The following GSE1 variants were observed in gnomAD, a reference collection of about 807,000 sequenced individuals.
GSE1 encodes genetic suppressor element 1.
In GSE1, 32 loss-of-function variants were observed where a neutral mutation model predicts 112.6. That is an observed-to-expected ratio of 0.28 (90% confidence interval 0.21 to 0.38). The LOEUF (loss-of-function observed/expected upper bound fraction) is 0.38, where lower values mean the gene tolerates loss of function less well. Among genes scored for constraint, GSE1 ranks in the 10% least tolerant of loss-of-function variants. The pLI, the probability that GSE1 is intolerant of heterozygous loss-of-function variation, is 1.00. For synonymous variants in GSE1, 1,115 were observed against 735.6 expected (o/e 1.52, Z -8.35); for missense variants, 2,348 against 1,699.2 (o/e 1.38, Z -6.71).
intron 2 of GSE1, among the ~76,000 whole-genome samples, chr16:85,408,548 AG>A (rs528797085): frequency 9.8e-5 from 3 of 30,760 alleles, no homozygotes; most frequent in Admixed American, 5.5e-4. Context: ...TGTTACACTC[AG>A]GGCCCCCCGG....
chr16:85,291,914 C>T (rs749064731), intron 1 of GSE1, among the ~76,000 whole-genome samples: 7 of 152,182 alleles, frequency 4.6e-5, no homozygotes, highest in Non-Finnish European at 1.0e-4. Context: ...TTGGGTTGAC[C>T]GGGTCAGGCT....
chr16:85,447,276 C>G (rs900766), intron 2 of GSE1, among the ~76,000 whole-genome samples: 68,571 of 152,032 alleles, frequency 0.45, 15,550 homozygotes, highest in South Asian at 0.55. Context: ...TTGGACCACT[C>G]TTTTGGCTAC....
intron 1 of GSE1, among the ~76,000 whole-genome samples, chr16:85,207,201 C>G (rs2143616601): frequency 1.3e-5 from 2 of 152,302 alleles, no homozygotes; most frequent in East Asian, 3.9e-4. Flanking sequence ...CCCCGTCCTC[C>G]CAAGGGCACT....
intron 1 of GSE1, among the ~76,000 whole-genome samples, chr16:85,322,891 C>CA (rs2046141883): frequency 1.3e-5 from 2 of 152,294 alleles, no homozygotes; most frequent in Middle Eastern, 3.4e-3. Context: ...GCTGGGATTA[C>CA]AGGCATGAGC....
intron 2 of GSE1, among the ~76,000 whole-genome samples, chr16:85,642,750 C>T (rs1293210925): frequency 6.6e-6 from 1 of 152,208 alleles, no homozygotes; most frequent in Admixed American, 6.5e-5. Context: ...GGGCCGGGCC[C>T]TGGGGTGGGT....
In GSE1 at chr16:85,192,947, C is replaced by T. The variant is rs192079777; in HGVS notation, c.2283+21140C>T. The stretch of plus-strand genomic sequence containing the variant: ...CTTGGTTCTGCTGGCTGTGTGCCTG[C>T]GCCCAACCTGGCGTCTGGCCGACTA... On this transcript the variant is annotated intron_variant, in intron 1 of 2. Transcript: ENST00000637419. 4.9e-3 allele frequency among the ~76,000 whole-genome samples: 753 copies of T among 152,280 alleles called. 5 individuals carry two copies. Among genetic ancestry groups the T allele is most frequent in the Non-Finnish European group, 5.3e-3 (360 of 68,022 alleles).
chr16:85,411,606 GGC>G (rs1487865112), intron 2 of GSE1, among the ~76,000 whole-genome samples: 1 of 19,134 alleles, frequency 5.2e-5, no homozygotes, highest in Non-Finnish European at 1.3e-4. Flanking sequence ...TTACACTCAG[GGC>G]CCCCCCGGAT....
intron 1 of GSE1, among the ~76,000 whole-genome samples, chr16:85,569,620 T>C (rs1327752067): frequency 6.6e-6 from 1 of 152,232 alleles, no homozygotes; most frequent in African/African-American, 2.4e-5. Context: ...CTGGATTTCC[T>C]GCTGGGAGAG....
chr16:85,331,708 T>TA (rs1491521509), intron 1 of GSE1, among the ~76,000 whole-genome samples: 291 of 13,034 alleles, frequency 0.022, 14 homozygotes, highest in African/African-American at 0.045. Context: ...TATATATATA[T>TA]TTTTTTTTTT....
intron 1 of GSE1, among the ~76,000 whole-genome samples, chr16:85,267,452 C>T (rs1016662897): frequency 1.3e-5 from 2 of 152,082 alleles, no homozygotes; most frequent in Admixed American, 6.5e-5. Flanking sequence ...GAAAGGAGGG[C>T]AGTGACCGTG....
chr16:85,589,773 G>A (rs2046894585), intron 1 of GSE1, among the ~76,000 whole-genome samples: 1 of 152,132 alleles, frequency 6.6e-6, no homozygotes, highest in African/African-American at 2.4e-5. Context: ...GTGTGACATT[G>A]TGAATGTATG....
In GSE1 at chr16:85,663,072, C is replaced by G. The variant is rs762075257; in HGVS notation, c.2352C>G (p.Leu784=). ...HLRCVAEQPP[L]KLDTSSEKLE... ...GTTGCGTGGCCGAGCAGCCGCCCCT[C>G]AAACTGGACACGTCCTCTGAGGTAC... Residue 784 remains leucine, a synonymous_variant, in exon 10 of 16, where the codon CTC becomes CTG. Coordinates refer to ENST00000253458, the MANE Select transcript of GSE1 (RefSeq NM_014615.5). 17 of 1,610,164 alleles carry G rather than the reference C, an allele frequency of 1.1e-5. No homozygotes were observed. The highest frequency in any genetic ancestry group is 1.4e-5 in the Non-Finnish European group (17 of 1,177,372).
In GSE1 at chr16:85,613,354, A is replaced by C; in HGVS notation, c.-38A>C. The C allele has an allele frequency of 1.9e-6, 3 of 1,567,560 alleles. No individual in the cohort carries two copies. Among genetic ancestry groups the C allele is most frequent in the Non-Finnish European group, 2.6e-6 (3 of 1,157,138 alleles). ...ACAAACACTGGGCGACGGTGGCTCC[A>C]GCATGTATCAGCCGAGGTGGAGCTG... On this transcript the variant is annotated 5_prime_UTR_variant, in exon 1 of 16. Transcript: ENST00000253458.
At chr16:85,666,370 C>T in intron 13 of GSE1, 23 bp downstream of exon 13, 1 of 1,612,610 alleles carries the variant, frequency 6.2e-7, no homozygotes, top group East Asian at 2.2e-5. Flanking sequence ...CCAGTCCCTG[C>T]TCAGCTCTCG....
intron 2 of GSE1, among the ~76,000 whole-genome samples, chr16:85,545,015 G>A (rs750977929): frequency 7.9e-5 from 12 of 152,232 alleles, no homozygotes; most frequent in Non-Finnish European, 1.3e-4. Context: ...GGAGACCTCC[G>A]TGGTGCCTTC....
chr16:85,640,940 A>G (rs533671716), intron 2 of GSE1, among the ~76,000 whole-genome samples: 1 of 152,134 alleles, frequency 6.6e-6, no homozygotes, highest in Non-Finnish European at 1.5e-5. Flanking sequence ...GCCAGAGCCA[A>G]AGGGGAGCAA....
intron 1 of GSE1, among the ~76,000 whole-genome samples, chr16:85,582,559 T>C (rs2046494937): frequency 6.6e-6 from 1 of 152,154 alleles, no homozygotes; most frequent in African/African-American, 2.4e-5. Flanking sequence ...GCTTGCTTCC[T>C]GGGTGGCTCC....
At chr16:85,627,495 TG>T (rs1275439549) in intron 1 of GSE1, among the ~76,000 whole-genome samples, 4 of 147,700 alleles carry the variant, frequency 2.7e-5, no homozygotes, top group Non-Finnish European at 6.0e-5. Flanking sequence ...TTTTTTTTCC[TG>T]GGGGTGGGGG....
intron 1 of GSE1, among the ~76,000 whole-genome samples, chr16:85,287,011 G>A (rs566975611): frequency 1.5e-4 from 23 of 152,308 alleles, no homozygotes; most frequent in African/African-American, 4.1e-4. Context: ...TGCCCGCCCC[G>A]GGTGCCGCCC....
Sources: allele counts gnomAD v4.1 joint callset (sites outside exome capture counted in the v4.1 genomes callset), GRCh38; gene constraint gnomAD v4.1.1; transcripts MANE v1.5; gene names NCBI Gene and HGNC (gene_info 2026-07-23, HGNC 2026-07-21).